The following DTWD2 variants were observed in gnomAD, a reference collection of about 807,000 sequenced individuals.
DTWD2 encodes DTW motif tRNA-uridine aminocarboxypropyltransferase 2, also known as tRNA-uridine aminocarboxypropyltransferase 2.
DTWD2 carries 39 observed loss-of-function variants against 31.8 expected under a neutral mutation model. The ratio of observed to expected loss-of-function variants is 1.22; its 90% CI spans 0.95 to 1.60. DTWD2 has a LOEUF of 1.60. Ranked by LOEUF, DTWD2 falls within the 40% of genes most tolerant of loss-of-function variation. DTWD2 has a pLI of 0.00. For synonymous variants in DTWD2, 180 were observed against 142.8 expected (o/e 1.26, Z -1.86); for missense variants, 515 against 381.5 (o/e 1.35, Z -2.92).
rs370717442 is a variant in DTWD2 at position 118,891,739 on chromosome 5, C to T, written c.597+36798G>A. Among the ~76,000 whole-genome samples, 92 of 152,256 alleles carry T rather than the reference C, an allele frequency of 6.0e-4. 6 individuals are homozygous for T. The South Asian group carries it at 0.018, about 30-fold the overall frequency. On this transcript the variant is annotated intron_variant, in intron 4 of 5. Transcript: ENST00000510708. Reference sequence around the variant, plus strand: ...GTCTATAAGATACACTGAATGACAGCACTAATATTTAATAAATAAATGAAA... The same window carrying T: ...GTCTATAAGATACACTGAATGACAGTACTAATATTTAATAAATAAATGAAA...
intron 1 of DTWD2, among the ~76,000 whole-genome samples, chr5:118,964,493 G>A (rs1014247891): frequency 1.1e-4 from 17 of 152,102 alleles, no homozygotes; most frequent in Non-Finnish European, 4.4e-5. Context: ...ATGCCGAGCC[G>A]AAGCTGGACT....
Position 118,939,278 on chromosome 5 carries a change from A to C in DTWD2, c.322T>G (p.Leu108Val), listed in dbSNP as rs1423275969. ...IQHPAEENKV[L>V]RTVPLLAACL... ...GCTGCTAGTAGAGGAACTGTACGCA[A>C]CACTTTGTTTTCCTTTAATTAAAAA... The change falls in exon 3 of 6, where the codon TTG becomes GTG. Residue 108 changes from leucine (L) to valine (V), a missense_variant. Transcript: ENST00000510708. 3.2e-6 allele frequency: 5 copies of C among 1,578,530 alleles called. No homozygotes were observed. The highest frequency in any genetic ancestry group is 2.6e-6 in the Non-Finnish European group (3 of 1,163,128).
At chr5:118,850,333 G>T (rs1580764981) in intron 4 of DTWD2, among the ~76,000 whole-genome samples, 4 of 142,922 alleles carry the variant, frequency 2.8e-5, no homozygotes, top group Admixed American at 1.4e-4. Flanking sequence ...AAAAAACATT[G>T]CCAGGTGTGG....
intron 4 of DTWD2, among the ~76,000 whole-genome samples, chr5:118,915,109 T>C (rs1388841787): frequency 6.6e-6 from 1 of 151,866 alleles, no homozygotes; most frequent in African/African-American, 2.4e-5. Flanking sequence ...CCCAGCTACT[T>C]AGGAGGTTGA....
intron 1 of DTWD2, among the ~76,000 whole-genome samples, chr5:118,986,213 C>T (rs1040535530): frequency 2.0e-5 from 3 of 151,702 alleles, no homozygotes; most frequent in African/African-American, 2.4e-5. Context: ...AAATTATATA[C>T]GTTTGGGAAT....
At chr5:118,974,448 G>A (rs956486686) in intron 1 of DTWD2, 6 of 466,326 alleles carry the variant, frequency 1.3e-5, no homozygotes, top group African/African-American at 1.0e-4. Flanking sequence ...CATTTTTAAT[G>A]ATCTCCGATG....
chr5:118,848,338 T>C, intron 4 of DTWD2, 120 bp from the exon 5 acceptor site: 5 of 817,874 alleles, frequency 6.1e-6, no homozygotes, highest in Non-Finnish European at 1.8e-6. Context: ...GTACTAAATG[T>C]GTCAATATCT....
chr5:118,948,566 G>C (rs1223943960), intron 1 of DTWD2, among the ~76,000 whole-genome samples: 1 of 152,164 alleles, frequency 6.6e-6, no homozygotes, highest in Non-Finnish European at 1.5e-5. Flanking sequence ...ATGCCAGGTG[G>C]ATCAGAGAGA....
intron 4 of DTWD2, among the ~76,000 whole-genome samples, chr5:118,908,784 T>C (rs1374372520): frequency 1.3e-5 from 2 of 151,890 alleles, no homozygotes; most frequent in African/African-American, 2.4e-5. Flanking sequence ...TGATGAAAAA[T>C]TAAACTCAAA....
Position 118,848,011 on chromosome 5 carries a change from T to G in DTWD2, c.726+79A>C. Reference sequence around the variant, plus strand: ...CTACTTGTCACATGAGTTACAAATTTAACAAGCATGTCTAAATCTTCTAGG... The same window carrying G: ...CTACTTGTCACATGAGTTACAAATTGAACAAGCATGTCTAAATCTTCTAGG... On this transcript the variant is annotated intron_variant, in intron 5 of 5. Coordinates refer to ENST00000510708, the MANE Select transcript of DTWD2 (RefSeq NM_173666.4). 8 of 1,384,362 alleles carry G rather than the reference T, an allele frequency of 5.8e-6. No individual in the cohort carries two copies. The South Asian group carries it at 1.5e-4, about 27-fold the overall frequency. 85.8% of individuals were successfully genotyped at this position (1,384,362 alleles called of 1,614,324 possible).
chr5:118,933,398 T>C (rs898354921), intron 3 of DTWD2, among the ~76,000 whole-genome samples: 1 of 152,070 alleles, frequency 6.6e-6, no homozygotes, highest in Non-Finnish European at 1.5e-5. Context: ...CTTATGAATA[T>C]AAAGGCAAAA....
chr5:118,888,991 A>T (rs1207727195), intron 4 of DTWD2, among the ~76,000 whole-genome samples: 2 of 152,218 alleles, frequency 1.3e-5, no homozygotes, highest in Non-Finnish European at 2.9e-5. Context: ...CATTCTGAAT[A>T]CAAGTTTTTT....
chr5:118,958,117 T>C (rs1754628404), intron 1 of DTWD2, among the ~76,000 whole-genome samples: 2 of 152,058 alleles, frequency 1.3e-5, no homozygotes, highest in African/African-American at 4.8e-5. Context: ...AATATAAGTT[T>C]TCATGTGAAA....
chr5:118,953,670 G>A (rs1754516249), intron 1 of DTWD2, among the ~76,000 whole-genome samples: 1 of 152,194 alleles, frequency 6.6e-6, no homozygotes, highest in Non-Finnish European at 1.5e-5. Context: ...TGGCTCCTGA[G>A]AGCATAAAGT....
At chr5:118,934,434 A>T (rs1204698310) in intron 3 of DTWD2, among the ~76,000 whole-genome samples, 1 of 151,738 alleles carries the variant, frequency 6.6e-6, no homozygotes, top group Non-Finnish European at 1.5e-5. Context: ...TAACACAAAA[A>T]ATAGAAGGAG....
chr5:118,976,092 T>C (rs1208384316), intron 1 of DTWD2, among the ~76,000 whole-genome samples: 3 of 152,154 alleles, frequency 2.0e-5, no homozygotes, highest in African/African-American at 7.2e-5. Flanking sequence ...GAATGACTAC[T>C]GGGTAAATAA....
chr5:118,876,188 T>C (rs1752617811), intron 4 of DTWD2, among the ~76,000 whole-genome samples: 1 of 152,168 alleles, frequency 6.6e-6, no homozygotes. Context: ...CCAGAACCTC[T>C]GGGACACAGG....
intron 1 of DTWD2, among the ~76,000 whole-genome samples, chr5:118,971,454 C>A (rs1246451549): frequency 6.6e-6 from 1 of 152,128 alleles, no homozygotes; most frequent in Non-Finnish European, 1.5e-5. Flanking sequence ...TATATATGCA[C>A]CCAATACAGT....
chr5:118,840,988 GA>G lies in DTWD2; in HGVS notation c.825del (p.Pro276LeufsTer17). 6.2e-7 allele frequency: 1 copy of G among 1,613,770 alleles called. No individual in the cohort carries two copies. The highest frequency in any genetic ancestry group is 8.5e-7 in the Non-Finnish European group (1 of 1,179,830). On this transcript the variant is annotated frameshift_variant, in exon 6 of 6. Transcript: ENST00000510708. LOFTEE classifies it high-confidence loss of function. The stretch of plus-strand genomic sequence containing the variant: ...CGTTTGTTCTTTGGCATTGGTTTAG[GA>G]TATAATCCATTTTTCAGAAGGTGTT... ...SKEHLLKNGL[Y>X]PKPMPKNKRK...
Sources: allele counts gnomAD v4.1 joint callset (sites outside exome capture counted in the v4.1 genomes callset), GRCh38; gene constraint gnomAD v4.1.1; transcripts MANE v1.5; gene names NCBI Gene and HGNC (gene_info 2026-07-23, HGNC 2026-07-21).